The following NEGR1 variants were observed in gnomAD, a reference collection of about 807,000 sequenced individuals.
NEGR1 encodes the protein IgLON family member 4.
A neutral mutation model predicts 40.9 loss-of-function variants in NEGR1; 10 were observed. That is an observed-to-expected ratio of 0.24 (90% CI 0.15 to 0.42). The LOEUF (loss-of-function observed/expected upper bound fraction) is 0.42. Ranked by LOEUF, NEGR1 falls within the 10% of genes least tolerant of loss-of-function variation. NEGR1 has a pLI of 1.00. For missense variants in NEGR1, 352 were observed against 438.9 expected, an observed-to-expected ratio of 0.80 and a Z score of 1.77; for synonymous variants, 185 against 166.8, an observed-to-expected ratio of 1.11 and a Z score of -0.84.
chr1:71,551,865 T>C (rs183410430), intron 6 of NEGR1, among the ~76,000 whole-genome samples: 5 of 151,748 alleles, frequency 3.3e-5, no homozygotes, highest in Admixed American at 3.3e-4. Flanking sequence ...CTAAAAATAA[T>C]CCATTCATAT....
chr1:71,520,379 C>G (rs935400612), intron 6 of NEGR1, among the ~76,000 whole-genome samples: 3 of 152,044 alleles, frequency 2.0e-5, no homozygotes, highest in African/African-American at 7.2e-5. Context: ...AGCGTGGAAT[C>G]AGATGTAGTC....
intron 2 of NEGR1, among the ~76,000 whole-genome samples, chr1:71,803,694 T>C (rs960364341): frequency 7.2e-5 from 11 of 152,194 alleles, no homozygotes; most frequent in Non-Finnish European, 1.3e-4. Flanking sequence ...TTGAACATTC[T>C]GTTTACAAAT....
At chr1:71,903,202 G>C (rs1557694447) in intron 2 of NEGR1, among the ~76,000 whole-genome samples, 1 of 151,846 alleles carries the variant, frequency 6.6e-6, no homozygotes, top group African/African-American at 2.4e-5. Flanking sequence ...TTTGTACCCT[G>C]TTCTGGCTTT....
chr1:72,140,983 T>C (rs929027854), intron 1 of NEGR1, among the ~76,000 whole-genome samples: 1 of 152,062 alleles, frequency 6.6e-6, no homozygotes, highest in African/African-American at 2.4e-5. Context: ...CTGAATGATA[T>C]GAATGTAAAG....
chr1:71,608,962 C>T (rs946189671), intron 5 of NEGR1, among the ~76,000 whole-genome samples: 1 of 152,068 alleles, frequency 6.6e-6, no homozygotes, highest in African/African-American at 2.4e-5. Context: ...AACTTCTCAA[C>T]CTAGGTTATC....
chr1:71,894,074 G>T (rs1480895987), intron 2 of NEGR1, among the ~76,000 whole-genome samples: 2 of 110,324 alleles, frequency 1.8e-5, no homozygotes, highest in Non-Finnish European at 3.7e-5. Flanking sequence ...GACTGTGGTG[G>T]GGTCGGGGGA....
intron 2 of NEGR1, among the ~76,000 whole-genome samples, chr1:71,807,194 C>T (rs928778023): frequency 5.3e-5 from 8 of 151,990 alleles, no homozygotes; most frequent in African/African-American, 9.7e-5. Context: ...CCGCACCTGG[C>T]CATGTCGATC....
intron 6 of NEGR1, among the ~76,000 whole-genome samples, chr1:71,579,354 G>A (rs574436565): frequency 5.8e-4 from 88 of 152,044 alleles, no homozygotes; most frequent in Non-Finnish European, 1.1e-3. Context: ...AAAATGTTGT[G>A]AATCAAGTTA....
At chr1:71,483,724 T>C (rs975888817) in intron 6 of NEGR1, among the ~76,000 whole-genome samples, 2 of 151,764 alleles carry the variant, frequency 1.3e-5, no homozygotes, top group African/African-American at 4.8e-5. Context: ...AAAGGCAGCA[T>C]TGCAGCAGTG....
chr1:71,872,981 GAT>G (rs1660321814), intron 2 of NEGR1, among the ~76,000 whole-genome samples: 1 of 151,714 alleles, frequency 6.6e-6, no homozygotes, highest in Non-Finnish European at 1.5e-5. Context: ...AGACTTAACC[GAT>G]GTTTCACACT....
At chr1:71,623,997 C>A (rs538400839) in intron 4 of NEGR1, among the ~76,000 whole-genome samples, 1 of 151,900 alleles carries the variant, frequency 6.6e-6, no homozygotes, top group South Asian at 2.1e-4. Flanking sequence ...GGGTTCCTTC[C>A]TTTTTTGCTC....
intron 1 of NEGR1, among the ~76,000 whole-genome samples, chr1:72,119,440 A>G (rs914752563): frequency 1.3e-5 from 2 of 151,968 alleles, no homozygotes; most frequent in African/African-American, 4.8e-5. Flanking sequence ...ATTTATTTTA[A>G]GAGGCTATAA....
In NEGR1 at chr1:71,433,374, C is replaced by T. The variant is rs139774654; in HGVS notation, c.941-25804G>A. On this transcript the variant is annotated intron_variant, in intron 6 of 6. Transcript: ENST00000357731. ...TTTTAAGGAATCTTCAAACTGGACA[C>T]CAGTTACTGTGCTTCACACTGCCCC... Among the ~76,000 whole-genome samples the T allele has an allele frequency of 6.7e-3, 1,020 of 152,268 alleles. 6 individuals are homozygous for T. Among genetic ancestry groups the T allele is most frequent in the Non-Finnish European group, 9.3e-3 (631 of 68,012 alleles).
At chr1:71,934,279 C>T (rs1474472367) in intron 2 of NEGR1, among the ~76,000 whole-genome samples, 1 of 152,006 alleles carries the variant, frequency 6.6e-6, no homozygotes, top group African/African-American at 2.4e-5. Context: ...TTCTTGAAAA[C>T]CATTTGTATT....
At chr1:72,077,946 A>T (rs1013704364) in intron 1 of NEGR1, among the ~76,000 whole-genome samples, 3 of 152,218 alleles carry the variant, frequency 2.0e-5, no homozygotes, top group African/African-American at 7.2e-5. Context: ...TTTCGGTACA[A>T]TTGTAGTATA....
chr1:72,149,206 G>A (rs1042568736), intron 1 of NEGR1, among the ~76,000 whole-genome samples: 7 of 152,048 alleles, frequency 4.6e-5, no homozygotes, highest in African/African-American at 1.4e-4. Flanking sequence ...AAGCAAAAGC[G>A]GAAACCCCTG....
intron 1 of NEGR1, among the ~76,000 whole-genome samples, chr1:71,940,186 A>G (rs1378221934): frequency 2.0e-5 from 3 of 152,210 alleles, no homozygotes; most frequent in African/African-American, 7.2e-5. Flanking sequence ...ACATTTTAGC[A>G]GCAAGTGATC....
chr1:72,271,810 G>A (rs185964208), intron 1 of NEGR1, among the ~76,000 whole-genome samples: 4 of 151,780 alleles, frequency 2.6e-5, no homozygotes, highest in South Asian at 2.1e-4. Flanking sequence ...CATGAGAGGC[G>A]GTCTTTCCCA....
chr1:72,085,968 CAAAAAAAAAAA>C (rs36028456), intron 1 of NEGR1, among the ~76,000 whole-genome samples: 1 of 63,058 alleles, frequency 1.6e-5, no homozygotes, highest in African/African-American at 5.6e-5. Context: ...GACTCTGTCT[CAAAAAAAAAAA>C]AAAAAAAAAA....
Sources: allele counts gnomAD v4.1 joint callset (sites outside exome capture counted in the v4.1 genomes callset), GRCh38; gene constraint gnomAD v4.1.1; transcripts MANE v1.5; gene names NCBI Gene and HGNC (gene_info 2026-07-23, HGNC 2026-07-21).